ACSM2A: variants seen among roughly 807,000 people sequenced by gnomAD.
The protein encoded by ACSM2A is acyl-CoA synthetase medium chain family member 2A.
A neutral mutation model predicts 76.6 loss-of-function variants in ACSM2A; 72 were observed. The ratio of observed to expected loss-of-function variants is 0.94; its 90% CI spans 0.78 to 1.14. ACSM2A has a LOEUF of 1.14. Among genes scored for constraint, ACSM2A ranks in the 50% most tolerant of loss-of-function variants. The probability of loss-of-function intolerance (pLI) is 0.00; values close to 1 mark genes in which losing one functional copy is unlikely to be tolerated. For missense variants in ACSM2A, 684 were observed against 708.5 expected (o/e 0.97, Z 0.39); for synonymous variants, 249 against 255.9 (o/e 0.97, Z 0.26).
chr16:20,475,689 G>A lies in ACSM2A; in HGVS notation c.1014G>A (p.Gly338=). The change falls in exon 8 of 14, where the codon GGG becomes GGA. Residue 338 remains glycine, a synonymous_variant. Transcript: ENST00000573854. ...ATCTACAGAACTGCGTCACTGTAGG[G>A]GAGTCCCTTCTTCCAGAAACTCTGG... ...FPHLQNCVTV[G]ESLLPETLEN... The A allele has an allele frequency of 6.2e-7, 1 of 1,614,010 alleles. No homozygotes were observed. The highest frequency in any genetic ancestry group is 1.7e-5 in the Admixed American group (1 of 60,004).
chr16:20,481,092 G>A (rs2014057048), intron 12 of ACSM2A, 171 bp downstream of exon 12: 1 of 794,064 alleles, frequency 1.3e-6, no homozygotes, highest in African/African-American at 1.7e-5. Context: ...CTGTTTCTCA[G>A]TTTCCCCATC....
intron 3 of ACSM2A, among the ~76,000 whole-genome samples, chr16:20,467,446 G>A (rs1464166793): frequency 6.6e-6 from 1 of 152,184 alleles, no homozygotes; most frequent in Non-Finnish European, 1.5e-5. Context: ...TAGGGAATGG[G>A]ATGAAGAAGA....
chr16:20,486,802 G>C lies in ACSM2A; in HGVS notation c.*124G>C. On this transcript the variant is annotated 3_prime_UTR_variant, in exon 14 of 14. Transcript: ENST00000573854. ...AGAACATGAATATAAGTTTTGTCTT[G>C]CCTTGGTTATTAGCACAAAACTTTA... The C allele has an allele frequency of 1.6e-6, 2 of 1,244,642 alleles. No individual in the cohort carries two copies. Among genetic ancestry groups the C allele is most frequent in the Non-Finnish European group, 2.3e-6 (2 of 880,014 alleles). 77.1% of individuals were successfully genotyped at this position (1,244,642 alleles called of 1,614,324 possible).
intron 10 of ACSM2A, 69 bp downstream of exon 10, chr16:20,478,746 A>G (rs1634310): frequency 2.0e-6 from 3 of 1,505,788 alleles, no homozygotes; most frequent in South Asian, 1.3e-5. Context: ...ATGAGGGAGG[A>G]CAAATGTTCT....
At chr16:20,482,996 A>G (rs1009938871) in intron 12 of ACSM2A, 62 bp from the exon 13 acceptor site, 53 of 1,586,400 alleles carry the variant, frequency 3.3e-5, no homozygotes, top group Non-Finnish European at 4.3e-5. Flanking sequence ...CCAATTTCAC[A>G]TTATTCCAGG....
In ACSM2A at chr16:20,482,808, C is replaced by G. The variant is rs2014156716; in HGVS notation, c.1510-250C>G. 5 of 368,934 alleles carry G rather than the reference C, an allele frequency of 1.4e-5. No homozygotes were observed. The South Asian group carries it at 2.8e-4, about 21-fold the overall frequency. 22.9% of individuals were successfully genotyped at this position (368,934 alleles called of 1,614,324 possible). A position where few individuals can be genotyped will look rare whatever the true frequency, so the allele number is the denominator to read the frequency against. On this transcript the variant is annotated intron_variant, in intron 12 of 13. Transcript: ENST00000573854. Reference sequence around the variant, plus strand: ...GTATCTTCTTTCTCCTTATCTGTCTCTATTGTTATTGGAGTATGAGGTGAG... The same window carrying G: ...GTATCTTCTTTCTCCTTATCTGTCTGTATTGTTATTGGAGTATGAGGTGAG...
At position 20,465,664 on chromosome 16, in the gene ACSM2A, G is replaced by T. The variant is rs2012947720; in HGVS notation, c.325G>T (p.Val109Leu). Residue 109 changes from valine (V) to leucine (L), a missense_variant, in exon 3 of 14, where the codon GTG becomes TTG. This residue lies in a region of ACSM2A where 519 missense variants were observed against 549.5 expected (regional missense o/e 0.94). Coordinates refer to ENST00000573854, the MANE Select transcript of ACSM2A (RefSeq NM_001308172.2). ...CTGTGGCCTGCAGCGTGGGGATCGT[G>T]TGGCAGTGGTGCTGCCCCGAGTGCC... The part of the protein sequence containing the change: ...GACGLQRGDR[V>L]AVVLPRVPEW... 1 of 1,613,902 alleles carries T rather than the reference G, an allele frequency of 6.2e-7. No individual in the cohort carries two copies. The highest frequency in any genetic ancestry group is 1.3e-5 in the African/African-American group (1 of 74,936).
At chr16:20,452,026 A>T (rs2011784568) in intron 1 of ACSM2A, 1 of 151,124 alleles carries the variant, frequency 6.6e-6, no homozygotes, top group Non-Finnish European at 1.5e-5. Flanking sequence ...GCAGGTACAA[A>T]GGCAATGTGT....
rs2013335658 is a variant in ACSM2A, at chr16:20,470,717, A to G, written c.597-356A>G. 1.1e-5 allele frequency: 5 copies of G among 461,456 alleles called. 1 individual carries two copies. Among genetic ancestry groups the G allele is most frequent in the South Asian group, 8.1e-5 (5 of 62,060 alleles). The allele number at this position is 461,456 out of a possible 1,614,324, so 28.6% of individuals were successfully genotyped here. A position where few individuals can be genotyped will look rare whatever the true frequency, so the allele number is the denominator to read the frequency against. On this transcript the variant is annotated intron_variant, in intron 4 of 13. Coordinates refer to ENST00000573854, the MANE Select transcript of ACSM2A (RefSeq NM_001308172.2). Reference sequence around the variant, plus strand: ...TGGTGTCATGCCAGAGCTCTTCACAACAATTAGATTAGCATTTATTGAGTT... The same window carrying G: ...TGGTGTCATGCCAGAGCTCTTCACAGCAATTAGATTAGCATTTATTGAGTT...
Position 20,465,556 on chromosome 16 carries a change from A to G in ACSM2A, c.217A>G (p.Asn73Asp), listed in dbSNP as rs1334928131. Reference sequence around the variant, plus strand: ...CCCAAGCCCAGCCCTGTGGTGGGTGAATGGGAAGGGGAAGGAATTAATGTG... The same window carrying G: ...CCCAAGCCCAGCCCTGTGGTGGGTGGATGGGAAGGGGAAGGAATTAATGTG... ...RLPSPALWWV[N>D]GKGKELMWNF... The change falls in exon 3 of 14, where the codon AAT becomes GAT. Residue 73 changes from asparagine to aspartate, a missense_variant. Asn to Asp is a conservative substitution (Grantham distance 23). Coordinates refer to ENST00000573854, the MANE Select transcript of ACSM2A (RefSeq NM_001308172.2). 1.2e-6 allele frequency: 2 copies of G among 1,613,782 alleles called. No homozygotes were observed. The highest frequency in any genetic ancestry group is 1.7e-6 in the Non-Finnish European group (2 of 1,179,864).
At chr16:20,481,374 A>G in intron 12 of ACSM2A, 1 of 159,464 alleles carries the variant, frequency 6.3e-6, no homozygotes, top group Non-Finnish European at 1.4e-5. Flanking sequence ...TACACAATGG[A>G]ATACTATTTG....
chr16:20,471,608 C>A lies in ACSM2A; in HGVS notation c.813C>A (p.Cys271Ter). The change falls in exon 6 of 14, where the codon TGC becomes TGA. Residue 271 changes from cysteine to a stop codon, truncating the protein, a stop_gained. Transcript: ENST00000573854. LOFTEE classifies it high-confidence loss of function. The part of the protein sequence containing the change: ...SDTGWILNIL[C>*]SLMEPWALGA... ...CAGGTTGGATACTGAACATCTTGTG[C>A]TCACTTATGGAACCTTGGGCATTAG... 6.2e-7 allele frequency: 1 copy of A among 1,614,038 alleles called. No individual in the cohort carries two copies. Among genetic ancestry groups the A allele is most frequent in the Non-Finnish European group, 8.5e-7 (1 of 1,179,942 alleles).
In ACSM2A at chr16:20,460,423, C is replaced by T. The variant is rs575029791; in HGVS notation, c.177+132C>T. On this transcript the variant is annotated intron_variant, in intron 2 of 13. Transcript: ENST00000573854. ...TGTAATAAGCTATGGACAAGACACT[C>T]GTCTTCCATGAAGGCAGTATGGTAT... 3.7e-5 allele frequency: 54 copies of T among 1,477,668 alleles called. No individual in the cohort carries two copies. The East Asian group carries it at 4.7e-4, about 13-fold the overall frequency. 91.5% of individuals were successfully genotyped at this position (1,477,668 alleles called of 1,614,324 possible).
At chr16:20,462,689 T>A (rs373363796) in intron 2 of ACSM2A, among the ~76,000 whole-genome samples, 4 of 152,204 alleles carry the variant, frequency 2.6e-5, no homozygotes, top group African/African-American at 9.6e-5. Context: ...TATTTTACAA[T>A]AAAACAGAGA....
intron 3 of ACSM2A, among the ~76,000 whole-genome samples, chr16:20,467,941 C>T (rs2013113899): frequency 6.6e-6 from 1 of 151,952 alleles, no homozygotes; most frequent in Non-Finnish European, 1.5e-5. Context: ...ACAGCCTAAT[C>T]CCAACTAAAA....
rs761252604 is a variant in ACSM2A, at chr16:20,465,624, C to T, written c.285C>T (p.Asn95=). The stretch of plus-strand genomic sequence containing the variant: ...GTGAAAACAGCCAGCAGGCAGCCAA[C>T]GTCCTCTCGGGAGCCTGTGGCCTGC... ...ELSENSQQAA[N]VLSGACGLQR... The change falls in exon 3 of 14, where the codon AAC becomes AAT. Residue 95 remains asparagine (N), a synonymous_variant. Coordinates refer to ENST00000573854, the MANE Select transcript of ACSM2A (RefSeq NM_001308172.2). The T allele has an allele frequency of 1.7e-5, 27 of 1,613,886 alleles. 1 individual carries two copies. The South Asian group carries it at 2.2e-4, about 13-fold the overall frequency.
In ACSM2A at chr16:20,471,648, G is replaced by C. The variant is rs770543850; in HGVS notation, c.853G>C (p.Val285Leu). The C allele has an allele frequency of 1.6e-5, 26 of 1,613,844 alleles. No homozygotes were observed. Among genetic ancestry groups the C allele is most frequent in the Non-Finnish European group, 2.0e-5 (24 of 1,179,882 alleles). Residue 285 changes from valine to leucine, a missense_variant, in exon 6 of 14, where the codon GTT (valine) becomes CTT (leucine). Physicochemically the swap from Val to Leu is conservative, Grantham distance 32 (BLOSUM62 1). This residue lies in a region of ACSM2A where 519 missense variants were observed against 549.5 expected (regional missense o/e 0.94). Coordinates refer to ENST00000573854, the MANE Select transcript of ACSM2A (RefSeq NM_001308172.2). Reference sequence around the variant, plus strand: ...TTGGGCATTAGGAGCATGCACATTTGTTCATCTCTTGCCAAAGTTTGACCC... The same window carrying C: ...TTGGGCATTAGGAGCATGCACATTTCTTCATCTCTTGCCAAAGTTTGACCC... ...EPWALGACTF[V>L]HLLPKFDPLV...
rs776851912 is a variant in ACSM2A, at chr16:20,475,689, G to C, written c.1014G>C (p.Gly338=). The part of the protein sequence containing the change: ...FPHLQNCVTV[G]ESLLPETLEN... ...ATCTACAGAACTGCGTCACTGTAGG[G>C]GAGTCCCTTCTTCCAGAAACTCTGG... is the stretch of plus-strand genomic sequence containing the variant. The change falls in exon 8 of 14, where the codon GGG becomes GGC. Residue 338 remains glycine, a synonymous_variant. Transcript: ENST00000573854. 7 of 1,613,892 alleles carry C rather than the reference G, an allele frequency of 4.3e-6. No homozygotes were observed. Among genetic ancestry groups the C allele is most frequent in the Non-Finnish European group, 5.9e-6 (7 of 1,179,930 alleles).
chr16:20,471,080 T>C lies in ACSM2A; in HGVS notation c.604T>C (p.Ser202Pro), dbSNP rs200518351. Residue 202 changes from serine (S) to proline (P), a missense_variant, in exon 5 of 14, where the codon TCC becomes CCC. By Grantham distance (74) the Ser-to-Pro change is moderately conservative. Coordinates refer to ENST00000573854, the MANE Select transcript of ACSM2A (RefSeq NM_001308172.2). ...AATCTGTGTCTCTGTCAGTGAGGCA[T>C]CCACCACTCATCACTGTGTGGAGAC... ...LNFKKLLNEA[S>P]TTHHCVETGS... The C allele has an allele frequency of 6.8e-6, 11 of 1,613,466 alleles. No homozygotes were observed. The East Asian group carries it at 1.8e-4, about 26-fold the overall frequency.
Sources: gnomAD v4.1 joint callset for allele counts (sites outside exome capture counted in the v4.1 genomes callset) on GRCh38, gnomAD v4.1.1 for gene constraint, gnomAD v4.1.1 regional missense constraint, MANE v1.5 for transcripts, NCBI Gene and HGNC (gene_info 2026-07-23, HGNC 2026-07-21) for gene names.